The following MZT2A variants were observed in gnomAD, a reference collection of about 807,000 sequenced individuals.
The protein encoded by MZT2A is mitotic-spindle organizing protein 2A.
Under a neutral mutation model 12.4 loss-of-function variants are expected in MZT2A, and 8 were observed. That is an observed-to-expected ratio of 0.64 (90% CI 0.38 to 1.16). The LOEUF (loss-of-function observed/expected upper bound fraction) is 1.16, where lower values mean the gene tolerates loss of function less well. MZT2A is among the 50% of genes most tolerant of loss of function. MZT2A has a pLI of 0.01. For synonymous variants in MZT2A, 88 were observed against 107.5 expected (o/e 0.82, Z 1.12); for missense variants, 181 against 223.6 (o/e 0.81, Z 1.22).
At chr2:131,492,524 C>T, upstream of MZT2A, 1 of 1,118,646 alleles carries the variant, frequency 8.9e-7, no homozygotes, top group Non-Finnish European at 1.1e-6. Flanking sequence ...GCCTCCTCGG[C>T]GTCATTGGAG....
chr2:131,472,924 A>C (rs1375825963), intron 2 of MZT2A, among the ~76,000 whole-genome samples: 7 of 137,470 alleles, frequency 5.1e-5, no homozygotes, highest in African/African-American at 1.0e-4. Context: ...CCCCCCCACC[A>C]ATATTAGACG....
At chr2:131,472,149 A>C (rs1275962954) in exon 3 of MZT2A, 2 of 1,289,332 alleles carry the variant, frequency 1.6e-6, no homozygotes, top group Non-Finnish European at 2.0e-6. Context: ...AATCTTGTTG[A>C]GGCGCCGCCT....
downstream of MZT2A, among the ~76,000 whole-genome samples, chr2:131,479,714 C>A (rs1003667640): frequency 6.6e-6 from 1 of 152,156 alleles, no homozygotes; most frequent in African/African-American, 2.4e-5. Flanking sequence ...GGGGCACACA[C>A]CTGTACTCCC....
chr2:131,470,381 C>T, intron 3 of MZT2A: 1 of 1,246,714 alleles, frequency 8.0e-7, no homozygotes, highest in Non-Finnish European at 1.0e-6. Context: ...GTTTGCTTAA[C>T]AAAGGTCTGG....
chr2:131,484,921 G>A (rs12473100), intron 2 of MZT2A, among the ~76,000 whole-genome samples: 30,748 of 152,174 alleles, frequency 0.2, 5,100 homozygotes, highest in East Asian at 0.76. Flanking sequence ...TTTGTAATTT[G>A]CTTACTTTAC....
chr2:131,492,925 C>A, upstream of MZT2A: 2 of 1,521,668 alleles, frequency 1.3e-6, no homozygotes, highest in Non-Finnish European at 1.8e-6. Context: ...TCCCTCCCCC[C>A]GCACTCCTGC....
intron 2 of MZT2A, chr2:131,478,855 G>A: frequency 4.8e-6 from 1 of 209,106 alleles, no homozygotes; most frequent in South Asian, 1.2e-4. Context: ...GCACCTTTCA[G>A]TGGCCCCCCA....
At chr2:131,490,341 A>C in intron 2 of MZT2A, 1 of 1,043,118 alleles carries the variant, frequency 9.6e-7, no homozygotes. Context: ...CTGTCCAGGT[A>C]GGGGACAACT....
chr2:131,490,394 C>A, intron 2 of MZT2A: 2 of 1,178,254 alleles, frequency 1.7e-6, no homozygotes, highest in South Asian at 1.8e-5. Flanking sequence ...GCTGTGCTCT[C>A]CAGCAGAGCA....
rs1222720643 is a variant in MZT2A at position 131,492,015 on chromosome 2, C to T, written c.180G>A (p.Val60=). The change falls in exon 2 of 3, where the codon GTG becomes GTA. Residue 60 remains valine, a synonymous_variant. Transcript: ENST00000309451. ...GIDPDVFKIL[V]DLLKLNVAPL... ...GGGCCACGTTCAGCTTCAGCAGGTCCACCAGGATCCTGGCGGGGACAGACG... is the reference window on the plus strand; with the variant it reads ...GGGCCACGTTCAGCTTCAGCAGGTCTACCAGGATCCTGGCGGGGACAGACG... The T allele has an allele frequency of 7.2e-6, 11 of 1,529,552 alleles. No individual in the cohort carries two copies. The East Asian group carries it at 2.4e-4, about 34-fold the overall frequency. The allele number at this position is 1,529,552 out of a possible 1,614,324, so 94.7% of individuals were successfully genotyped here. A position where few individuals can be genotyped will look rare whatever the true frequency, so the allele number is the denominator to read the frequency against.
At chr2:131,492,741 T>C, upstream of MZT2A, 1 of 1,281,586 alleles carries the variant, frequency 7.8e-7, no homozygotes, top group African/African-American at 1.5e-5. Context: ...AAGCGTGCAA[T>C]TTTCTGGTCC....
upstream of MZT2A, chr2:131,493,146 T>C: frequency 1.4e-6 from 2 of 1,448,622 alleles, no homozygotes; most frequent in Non-Finnish European, 1.8e-6. Context: ...CACAGGTGAG[T>C]GGCGCGGGAC....
downstream of MZT2A, chr2:131,480,663 G>A: frequency 6.2e-7 from 1 of 1,613,844 alleles, no homozygotes. Flanking sequence ...GGGGGACGTG[G>A]TCCCCAAAGA....
In MZT2A at chr2:131,476,172, G is replaced by A. The variant is rs758363386; in HGVS notation, c.279-3990C>T. The A allele has an allele frequency of 3.1e-6, 5 of 1,613,888 alleles. No individual in the cohort carries two copies. The East Asian group carries it at 1.1e-4, about 36-fold the overall frequency. ...GGCAGCCGGTTGAGGTCTGGCAGTAGCGTTGGGCTGAAGCAGCGGAGTTCG... is the reference window on the plus strand; with the variant it reads ...GGCAGCCGGTTGAGGTCTGGCAGTAACGTTGGGCTGAAGCAGCGGAGTTCG... On this transcript the variant is annotated intron_variant and NMD_transcript_variant, in intron 2 of 4. Transcript: ENST00000427024.
downstream of MZT2A, chr2:131,480,809 C>A: frequency 6.4e-7 from 1 of 1,569,830 alleles, no homozygotes; most frequent in Non-Finnish European, 8.7e-7. Context: ...ATAACACTGG[C>A]CCTGAAGGCC....
At chr2:131,488,444 C>T (rs1351650213) in intron 2 of MZT2A, among the ~76,000 whole-genome samples, 2 of 152,118 alleles carry the variant, frequency 1.3e-5, no homozygotes, top group East Asian at 3.9e-4. Context: ...TGCTGCAGCT[C>T]ACAGAGGCAA....
chr2:131,471,791 G>T (rs1704991904), intron 3 of MZT2A, among the ~76,000 whole-genome samples: 1 of 151,988 alleles, frequency 6.6e-6, no homozygotes, highest in South Asian at 2.1e-4. Context: ...TTGAACTGGA[G>T]ATGGCAGATG....
At chr2:131,480,491 C>G (rs144693747), downstream of MZT2A, 1 of 1,590,582 alleles carries the variant, frequency 6.3e-7, no homozygotes, top group Non-Finnish European at 8.5e-7. Flanking sequence ...CCCGCATCCA[C>G]TTCCCCCTGG....
At chr2:131,492,968 G>A (rs115506189), upstream of MZT2A, 17,852 of 1,523,162 alleles carry the variant, frequency 0.012, 1,756 homozygotes, top group African/African-American at 0.21. Flanking sequence ...CGGCCGGCCG[G>A]CCTTCTTCGC....
Sources: allele counts gnomAD v4.1 joint callset (sites outside exome capture counted in the v4.1 genomes callset), GRCh38; gene constraint gnomAD v4.1.1; transcripts MANE v1.5; gene names NCBI Gene and HGNC (gene_info 2026-07-23, HGNC 2026-07-21).